ACOXL: variants seen among roughly 807,000 people sequenced by gnomAD.
ACOXL encodes acyl-CoA oxidase like.
A neutral mutation model predicts 71.9 loss-of-function variants in ACOXL; 70 were observed. The ratio of observed to expected loss-of-function variants is 0.97; its 90% CI spans 0.80 to 1.19. The LOEUF (loss-of-function observed/expected upper bound fraction) is 1.19. ACOXL is among the 50% of genes most tolerant of loss of function. ACOXL has a pLI of 0.00. For synonymous variants in ACOXL, 253 were observed against 281.6 expected (o/e 0.90, Z 1.02); for missense variants, 703 against 736.3 (o/e 0.95, Z 0.52).
intron 17 of ACOXL, chr2:111,093,554 C>T: frequency 1.9e-6 from 3 of 1,612,690 alleles, no homozygotes; most frequent in South Asian, 1.1e-5. Context: ...TATCCAAGGA[C>T]ACAAAACCAC....
At chr2:110,744,934 A>G (rs1244817780) in intron 1 of ACOXL, among the ~76,000 whole-genome samples, 1 of 152,198 alleles carries the variant, frequency 6.6e-6, no homozygotes, top group Non-Finnish European at 1.5e-5. Flanking sequence ...GAGTAGACAG[A>G]CACTAAGTTC....
At chr2:111,049,796 C>T (rs934872378) in intron 16 of ACOXL, among the ~76,000 whole-genome samples, 1 of 150,498 alleles carries the variant, frequency 6.6e-6, no homozygotes, top group Non-Finnish European at 1.5e-5. Context: ...TTCTTCCCCC[C>T]AACCCCCCGC....
intron 14 of ACOXL, among the ~76,000 whole-genome samples, chr2:111,021,289 G>C (rs1017041088): frequency 6.6e-6 from 1 of 152,190 alleles, no homozygotes; most frequent in East Asian, 1.9e-4. Flanking sequence ...CCCGAATCCG[G>C]GATACAGTCC....
chr2:110,969,072 C>T (rs2062063071), intron 12 of ACOXL, among the ~76,000 whole-genome samples: 1 of 152,004 alleles, frequency 6.6e-6, no homozygotes, highest in African/African-American at 2.4e-5. Flanking sequence ...TAAAATAATC[C>T]ATAGGTTATA....
At chr2:110,784,455 G>A (rs1053697211) in intron 2 of ACOXL, among the ~76,000 whole-genome samples, 4 of 152,172 alleles carry the variant, frequency 2.6e-5, no homozygotes, top group Non-Finnish European at 4.4e-5. Context: ...AGGCGAGTCG[G>A]TCGCAGGGTT....
At chr2:110,780,223 A>G (rs1683160186) in intron 2 of ACOXL, among the ~76,000 whole-genome samples, 1 of 152,260 alleles carries the variant, frequency 6.6e-6, no homozygotes, top group South Asian at 2.1e-4. Context: ...ATCTCTAGTC[A>G]TCTGAGAAAT....
At chr2:110,976,264 T>C (rs1260088198) in intron 12 of ACOXL, among the ~76,000 whole-genome samples, 1 of 152,202 alleles carries the variant, frequency 6.6e-6, no homozygotes, top group African/African-American at 2.4e-5. Flanking sequence ...TACCCATACA[T>C]CCTTGGATAT....
chr2:110,853,256 G>C (rs1225028629), intron 10 of ACOXL, among the ~76,000 whole-genome samples: 1 of 152,158 alleles, frequency 6.6e-6, no homozygotes, highest in Non-Finnish European at 1.5e-5. Context: ...CGGTGGAGAG[G>C]CCAGGGATGC....
chr2:110,811,783 A>ACACT (rs1687363074), intron 9 of ACOXL, among the ~76,000 whole-genome samples: 1 of 149,236 alleles, frequency 6.7e-6, no homozygotes, highest in African/African-American at 2.5e-5. Flanking sequence ...ACACACACAC[A>ACACT]CACGCGGGGA....
chr2:110,901,791 C>T (rs964850518), intron 10 of ACOXL, among the ~76,000 whole-genome samples: 1 of 152,032 alleles, frequency 6.6e-6, no homozygotes, highest in South Asian at 2.1e-4. Context: ...TTTTGGAGGC[C>T]GAGGTGGGTG....
At chr2:110,890,766 T>C (rs1031104991) in intron 10 of ACOXL, among the ~76,000 whole-genome samples, 1 of 152,202 alleles carries the variant, frequency 6.6e-6, no homozygotes, top group Non-Finnish European at 1.5e-5. Context: ...ATTATTCTTT[T>C]TTTTCAAGAT....
At chr2:111,042,926 A>T (rs535045832) in intron 15 of ACOXL, among the ~76,000 whole-genome samples, 2 of 152,318 alleles carry the variant, frequency 1.3e-5, no homozygotes, top group East Asian at 3.9e-4. Flanking sequence ...GTGGGGGTCG[A>T]AAGGAGGGTT....
At chr2:110,810,434 A>G (rs1200324321) in intron 9 of ACOXL, among the ~76,000 whole-genome samples, 1 of 152,002 alleles carries the variant, frequency 6.6e-6, no homozygotes, top group Non-Finnish European at 1.5e-5. Flanking sequence ...CCTTCCATGT[A>G]TTGCCTATTC....
intron 17 of ACOXL, among the ~76,000 whole-genome samples, chr2:111,096,911 C>A (rs556246445): frequency 1.3e-5 from 2 of 152,260 alleles, no homozygotes; most frequent in South Asian, 4.1e-4. Flanking sequence ...TTACCCTCCC[C>A]CTGTGGATAT....
In ACOXL at chr2:110,995,969, CTTCA is replaced by C; in HGVS notation, c.1247_1250del (p.Leu416ArgfsTer12). On this transcript the variant is annotated frameshift_variant, in exon 14 of 18. Coordinates refer to ENST00000439055, the MANE Select transcript of ACOXL (RefSeq NM_001142807.4). LOFTEE classifies it high-confidence loss of function. Reference sequence around the variant, plus strand: ...AGCAGTGAAATTTCGTGAAAGGGTTCTTCAGCGGGGTTTGGTGGCCAGAATTTAT... The same window carrying C: ...AGCAGTGAAATTTCGTGAAAGGGTTCGCGGGGTTTGGTGGCCAGAATTTAT... 6.3e-7 allele frequency: 1 copy of C among 1,590,670 alleles called. No homozygotes were observed. Among genetic ancestry groups the C allele is most frequent in the Non-Finnish European group, 8.5e-7 (1 of 1,179,120 alleles).
chr2:110,900,547 G>C (rs2059193991), intron 10 of ACOXL, among the ~76,000 whole-genome samples: 1 of 152,180 alleles, frequency 6.6e-6, no homozygotes, highest in African/African-American at 2.4e-5. Context: ...GCAGGTGTTA[G>C]AGTCTGTGTG....
chr2:110,825,434 C>A (rs1306623209), intron 9 of ACOXL, among the ~76,000 whole-genome samples: 1 of 152,060 alleles, frequency 6.6e-6, no homozygotes, highest in African/African-American at 2.4e-5. Flanking sequence ...CCTCAGTAGT[C>A]ATTTTTCTTA....
chr2:110,861,354 A>G (rs1693934029), intron 10 of ACOXL, among the ~76,000 whole-genome samples: 1 of 152,108 alleles, frequency 6.6e-6, no homozygotes, highest in African/African-American at 2.4e-5. Flanking sequence ...TGACTTACAG[A>G]CAACCAGTAC....
rs530229858 is a variant in ACOXL, at chr2:110,766,930, CAA to C, written c.-22-1437_-22-1436del. ...CAGACACTCCATCTGCTCTGCAAGA[CAA>C]GAGGTGGAAGGTTAACTCTCCCCTC... On this transcript the variant is annotated intron_variant, in intron 1 of 17. Coordinates refer to ENST00000439055, the MANE Select transcript of ACOXL (RefSeq NM_001142807.4). Among the ~76,000 whole-genome samples the C allele has an allele frequency of 1.5e-3, 228 of 152,300 alleles. 1 individual carries two copies. The highest frequency in any genetic ancestry group is 2.6e-3 in the Admixed American group (40 of 15,300).
Sources: allele counts gnomAD v4.1 joint callset (sites outside exome capture counted in the v4.1 genomes callset), GRCh38; gene constraint gnomAD v4.1.1; transcripts MANE v1.5; gene names NCBI Gene and HGNC (gene_info 2026-07-23, HGNC 2026-07-21).